Variants in TREML2 observed in about 807,000 individuals in gnomAD.
The protein encoded by TREML2 is triggering receptor expressed on myeloid cells like 2.
In TREML2, 24 loss-of-function variants were observed where a neutral mutation model predicts 25.9. That is an observed-to-expected ratio of 0.93 (90% CI 0.67 to 1.30). TREML2 has a LOEUF of 1.30. Ranked by LOEUF, TREML2 falls within the 50% of genes most tolerant of loss-of-function variation. The pLI, the probability that TREML2 is intolerant of heterozygous loss-of-function variation, is 0.00. For synonymous variants in TREML2, 139 were observed against 155.2 expected, an observed-to-expected ratio of 0.90 and a Z score of 0.77; for missense variants, 359 against 395.6, an observed-to-expected ratio of 0.91 and a Z score of 0.78.
chr6:41,200,621 A>G (rs952301242), intron 1 of TREML2, among the ~76,000 whole-genome samples: 4 of 152,226 alleles, frequency 2.6e-5, no homozygotes, highest in Admixed American at 6.5e-5. Context: ...GATTGCTGTC[A>G]TAACTAAGCA....
chr6:41,192,656 G>T, intron 4 of TREML2, 145 bp downstream of exon 4: 3 of 1,118,686 alleles, frequency 2.7e-6, no homozygotes, highest in Non-Finnish European at 3.9e-6. Flanking sequence ...CCGCCTGGCC[G>T]CCCTCCTCCC....
chr6:41,196,484 C>T (rs1345654196), intron 2 of TREML2, among the ~76,000 whole-genome samples: 1 of 152,154 alleles, frequency 6.6e-6, no homozygotes, highest in Non-Finnish European at 1.5e-5. Flanking sequence ...CGGCTTGGTG[C>T]TCCACTCTTT....
At position 41,201,054 on chromosome 6, in the gene TREML2, G is replaced by C; in HGVS notation, c.-46C>G. 6.2e-7 allele frequency: 1 copy of C among 1,608,202 alleles called. No homozygotes were observed. The highest frequency in any genetic ancestry group is 8.5e-7 in the Non-Finnish European group (1 of 1,175,354). Reference sequence around the variant, plus strand: ...TGTCAGGCCTGGAGATCCAAGGTGAGGGCCCACCCGACACAGGATGTGCCA... The same window carrying C: ...TGTCAGGCCTGGAGATCCAAGGTGACGGCCCACCCGACACAGGATGTGCCA... On this transcript the variant is annotated 5_prime_UTR_variant, in exon 1 of 5. Coordinates refer to ENST00000483722, the MANE Select transcript of TREML2 (RefSeq NM_024807.4).
chr6:41,194,442 G>A lies in TREML2; in HGVS notation c.768C>T (p.Pro256=). The A allele has an allele frequency of 6.3e-7, 1 of 1,580,508 alleles. No individual in the cohort carries two copies. The highest frequency in any genetic ancestry group is 8.6e-7 in the Non-Finnish European group (1 of 1,162,526). The change falls in exon 3 of 5, where the codon CCC becomes CCT. Residue 256 remains proline (P), a synonymous_variant. Coordinates refer to ENST00000483722, the MANE Select transcript of TREML2 (RefSeq NM_024807.4). The stretch of plus-strand genomic sequence containing the variant: ...ACAGGTACCTGATGGAGGGCATGGA[G>A]GGTAGTCTGTTGAGGAGAGATCTGC... ...LTSRSLLNRL[P]SMPSIRHQDV...
intron 1 of TREML2, 26 bp from the exon 2 acceptor site, chr6:41,198,455 A>G (rs748709974): frequency 6.3e-7 from 1 of 1,579,424 alleles, no homozygotes; most frequent in Non-Finnish European, 8.6e-7. Flanking sequence ...TTATTGAATA[A>G]GGTCTGGCAA....
chr6:41,200,975 A>ACAG lies in TREML2; in HGVS notation c.31_33dup (p.Leu11dup), dbSNP rs748418940. ...TCACCTGAGACGCAACCCTGTGGCC[A>ACAG]CAGCAGCAGCAGCAGCAGGAAGGCT... is the stretch of plus-strand genomic sequence containing the variant. On this transcript the variant is annotated inframe_insertion, in exon 1 of 5. Transcript: ENST00000483722. 65 of 1,580,486 alleles carry ACAG rather than the reference A, an allele frequency of 4.1e-5. No homozygotes were observed. Among genetic ancestry groups the ACAG allele is most frequent in the African/African-American group, 3.8e-4 (28 of 74,054 alleles).
intron 2 of TREML2, 42 bp downstream of exon 2, chr6:41,198,067 G>A (rs1766202059): frequency 6.6e-7 from 1 of 1,524,956 alleles, no homozygotes; most frequent in Non-Finnish European, 8.9e-7. Flanking sequence ...GGGGCAGGAG[G>A]GACTCCCTCC....
Position 41,190,909 on chromosome 6 carries a change from A to G in TREML2, c.*1518T>C, listed in dbSNP as rs1213534305. 6.6e-6 allele frequency: 1 copy of G among 151,622 alleles called. No homozygotes were observed. The highest frequency in any genetic ancestry group is 1.5e-5 in the Non-Finnish European group (1 of 68,110). The allele number at this position is 151,622 out of a possible 1,614,324, so 9.4% of individuals were successfully genotyped here. A position where few individuals can be genotyped will look rare whatever the true frequency, so the allele number is the denominator to read the frequency against. On this transcript the variant is annotated 3_prime_UTR_variant, in exon 5 of 5. Transcript: ENST00000483722. Reference sequence around the variant, plus strand: ...TGTCTGTCCTGGGTCCAGAGCCGTCAATTCTTCAGCCTCAGTCTTCCCTCT... The same window carrying G: ...TGTCTGTCCTGGGTCCAGAGCCGTCGATTCTTCAGCCTCAGTCTTCCCTCT...
rs1029193313 is a variant in TREML2 at position 41,192,712 on chromosome 6, C to T, written c.886+89G>A. On this transcript the variant is annotated intron_variant, in intron 4 of 4. Coordinates refer to ENST00000483722, the MANE Select transcript of TREML2 (RefSeq NM_024807.4). Reference sequence around the variant, plus strand: ...CTTTTGACTGGACACAGGCCAAGGGCCATACCACGTGGGGACTCGAGGTCA... The same window carrying T: ...CTTTTGACTGGACACAGGCCAAGGGTCATACCACGTGGGGACTCGAGGTCA... 86 of 1,294,684 alleles carry T rather than the reference C, an allele frequency of 6.6e-5. No homozygotes were observed. In the Admixed American group the frequency reaches 1.7e-3, roughly 25 times the overall value. The allele number at this position is 1,294,684 out of a possible 1,614,324, so 80.2% of individuals were successfully genotyped here.
chr6:41,195,118 C>T (rs1042839943), intron 2 of TREML2, among the ~76,000 whole-genome samples: 1 of 152,228 alleles, frequency 6.6e-6, no homozygotes, highest in African/African-American at 2.4e-5. Flanking sequence ...ATCCCCATCT[C>T]TCTCTTTTCA....
intron 2 of TREML2, among the ~76,000 whole-genome samples, chr6:41,196,065 G>A (rs57794853): frequency 0.042 from 6,354 of 152,264 alleles, 402 homozygotes; most frequent in African/African-American, 0.13. Flanking sequence ...TTGGAATAAG[G>A]ATTTTTTTTA....
intron 2 of TREML2, among the ~76,000 whole-genome samples, chr6:41,196,850 A>G (rs1766175866): frequency 6.6e-6 from 1 of 152,226 alleles, no homozygotes; most frequent in Admixed American, 6.5e-5. Flanking sequence ...CCAGGCAGGT[A>G]TATCACTGCT....
rs41273770 is a variant in TREML2, at chr6:41,198,239, A to G, written c.246T>C (p.Asp82=). The change falls in exon 2 of 5, where the codon GAT becomes GAC. Residue 82 remains aspartate (D), a synonymous_variant. Transcript: ENST00000483722. ...TGATGTTGACCACCTTGGCCTGGGCATCGTCCTGCAGCAAGTAGCGGGGCC... is the reference window on the plus strand; with the variant it reads ...TGATGTTGACCACCTTGGCCTGGGCGTCGTCCTGCAGCAAGTAGCGGGGCC... The part of the protein sequence containing the change: ...VKGPRYLLQD[D]AQAKVVNITM... The G allele has an allele frequency of 0.037, 60,346 of 1,613,850 alleles. 800 individuals are homozygous for G. Among genetic ancestry groups the G allele is most frequent in the Middle Eastern group, 0.047 (287 of 6,062 alleles).
chr6:41,195,067 T>C (rs1280846964), intron 2 of TREML2, among the ~76,000 whole-genome samples: 2 of 152,132 alleles, frequency 1.3e-5, no homozygotes, highest in African/African-American at 4.8e-5. Flanking sequence ...ACTACCACAA[T>C]TTCTTTTTCC....
intron 2 of TREML2, among the ~76,000 whole-genome samples, chr6:41,195,156 G>A (rs1250402318): frequency 1.3e-5 from 2 of 152,028 alleles, no homozygotes; most frequent in Non-Finnish European, 2.9e-5. Flanking sequence ...GTTCCTATGG[G>A]CCAAAAAGAT....
At chr6:41,198,462 G>A (rs2113908971) in intron 1 of TREML2, 33 bp from the exon 2 acceptor site, 1 of 1,567,328 alleles carries the variant, frequency 6.4e-7, no homozygotes, top group Non-Finnish European at 8.7e-7. Context: ...ATAAGGTCTG[G>A]CAAGAGGAGA....
chr6:41,195,871 C>A (rs550449413), intron 2 of TREML2, among the ~76,000 whole-genome samples: 1 of 152,290 alleles, frequency 6.6e-6, no homozygotes, highest in South Asian at 2.1e-4. Context: ...CCTGCATCAA[C>A]ACACTAAGAG....
At chr6:41,199,597 G>A (rs1372044447) in intron 1 of TREML2, among the ~76,000 whole-genome samples, 4 of 152,186 alleles carry the variant, frequency 2.6e-5, no homozygotes, top group Non-Finnish European at 5.9e-5. Context: ...GGGGTGTGCA[G>A]GGTGACTCAG....
At chr6:41,198,056 TG>T in intron 2 of TREML2, 52 bp downstream of exon 2, 1 of 1,479,682 alleles carries the variant, frequency 6.8e-7, no homozygotes, top group Non-Finnish European at 9.1e-7. Context: ...TAGTGGAGTG[TG>T]GGGCAGGAGG....
Sources: gnomAD v4.1 joint callset for allele counts (sites outside exome capture counted in the v4.1 genomes callset) on GRCh38, gnomAD v4.1.1 for gene constraint, MANE v1.5 for transcripts, NCBI Gene and HGNC (gene_info 2026-07-23, HGNC 2026-07-21) for gene names.